Variants in OR7C1 observed in about 807,000 individuals in gnomAD.
OR7C1 encodes the protein olfactory receptor family 7 subfamily C member 1, also known as olfactory receptor 7C1.
For synonymous variants in OR7C1, 152 were observed against 160.7 expected (o/e 0.95, Z 0.41); for missense variants, 324 against 383.3 (o/e 0.85, Z 1.29).
chr19:14,819,232 C>T (rs1223170403), intron 1 of OR7C1, among the ~76,000 whole-genome samples: 1 of 151,904 alleles, frequency 6.6e-6, no homozygotes, highest in Non-Finnish European at 1.5e-5. Flanking sequence ...TAAACATGTG[C>T]CATGGTGGTT....
intron 1 of OR7C1, chr19:14,824,358 CA>C (rs1272525112): frequency 9.9e-5 from 15 of 152,172 alleles, no homozygotes; most frequent in African/African-American, 3.6e-4. Context: ...GGTAGTTTTT[CA>C]GCCCTTTTCC....
chr19:14,813,149 C>G (rs1313879316), intron 1 of OR7C1, among the ~76,000 whole-genome samples: 1 of 151,436 alleles, frequency 6.6e-6, no homozygotes, highest in African/African-American at 2.4e-5. Context: ...AACCAATATA[C>G]CATATGAACA....
chr19:14,805,695 G>A (rs990912502), intron 2 of OR7C1, among the ~76,000 whole-genome samples: 3 of 151,806 alleles, frequency 2.0e-5, no homozygotes, highest in Admixed American at 1.3e-4. Flanking sequence ...GATTATAGGC[G>A]TGAGCCACCA....
chr19:14,834,038 T>C (rs1763257879), intron 1 of OR7C1, among the ~76,000 whole-genome samples: 1 of 125,286 alleles, frequency 8.0e-6, no homozygotes, highest in African/African-American at 2.9e-5. Flanking sequence ...GGCAAGTAAA[T>C]TGCTTGAGCC....
At chr19:14,815,816 T>TGTGC in intron 1 of OR7C1, among the ~76,000 whole-genome samples, 1 of 145,854 alleles carries the variant, frequency 6.9e-6, no homozygotes, top group South Asian at 2.2e-4. Context: ...TGTGTGTGTG[T>TGTGC]CTGTGTCTGG....
At chr19:14,814,465 C>T (rs1189158924) in intron 1 of OR7C1, among the ~76,000 whole-genome samples, 1 of 151,894 alleles carries the variant, frequency 6.6e-6, no homozygotes, top group African/African-American at 2.4e-5. Flanking sequence ...TTCTTGTTGC[C>T]CAGGCTGGAG....
chr19:14,818,374 G>T (rs1168229437), intron 1 of OR7C1, among the ~76,000 whole-genome samples: 2 of 152,062 alleles, frequency 1.3e-5, no homozygotes, highest in South Asian at 4.1e-4. Flanking sequence ...GATTACAGGC[G>T]TGAGCCACCG....
intron 1 of OR7C1, 71 bp downstream of exon 1, chr19:14,835,003 T>G (rs1414520837): frequency 6.6e-6 from 1 of 152,224 alleles, no homozygotes; most frequent in African/African-American, 2.4e-5. Flanking sequence ...TCAGGTGATC[T>G]CAGGTAAATA....
intron 1 of OR7C1, among the ~76,000 whole-genome samples, chr19:14,811,557 G>A (rs190782435): frequency 1.3e-5 from 2 of 151,940 alleles, no homozygotes; most frequent in Admixed American, 1.3e-4. Context: ...ACTGGCACTA[G>A]GGGTGAGGAT....
At chr19:14,813,608 T>C (rs2044701930) in intron 1 of OR7C1, among the ~76,000 whole-genome samples, 1 of 152,116 alleles carries the variant, frequency 6.6e-6, no homozygotes, top group African/African-American at 2.4e-5. Context: ...AAGGTTTAAT[T>C]GCCTCACAGG....
At chr19:14,807,827 C>T (rs551266815) in intron 2 of OR7C1, among the ~76,000 whole-genome samples, 3 of 151,320 alleles carry the variant, frequency 2.0e-5, no homozygotes, top group East Asian at 1.9e-4. Flanking sequence ...ACCCAGGAGG[C>T]GGAGCTTGCA....
In OR7C1 at chr19:14,801,082, G is replaced by A. The variant is rs567752607; in HGVS notation, c.-434-318C>T. Among the ~76,000 whole-genome samples, 16 of 152,282 alleles carry A rather than the reference G, an allele frequency of 1.1e-4. 1 individual carries two copies. In the South Asian group the frequency reaches 3.3e-3, roughly 32 times the overall value. ...AATGAACCCCAGGGTATATACTCCAGACAATGTAGCAGCTTCATTAATATT... is the reference window on the plus strand; with the variant it reads ...AATGAACCCCAGGGTATATACTCCAAACAATGTAGCAGCTTCATTAATATT... On this transcript the variant is annotated intron_variant, in intron 2 of 4. Transcript: ENST00000641666.
intron 1 of OR7C1, among the ~76,000 whole-genome samples, chr19:14,820,127 T>C (rs185549659): frequency 2.0e-4 from 30 of 152,190 alleles, no homozygotes; most frequent in Admixed American, 1.2e-3. Context: ...GTCAGGCTGG[T>C]CTCAAACTCC....
At chr19:14,802,181 C>G (rs1390704957) in intron 2 of OR7C1, among the ~76,000 whole-genome samples, 1 of 152,228 alleles carries the variant, frequency 6.6e-6, no homozygotes, top group African/African-American at 2.4e-5. Flanking sequence ...CCCACCAGTT[C>G]CTGGTGCTGA....
intron 1 of OR7C1, among the ~76,000 whole-genome samples, chr19:14,828,955 C>A (rs1254243697): frequency 7.1e-6 from 1 of 140,730 alleles, no homozygotes; most frequent in African/African-American, 2.6e-5. Flanking sequence ...ACAAATTAAA[C>A]AATCACATAA....
At chr19:14,828,079 G>A (rs2044791563) in intron 1 of OR7C1, 6 of 1,614,074 alleles carry the variant, frequency 3.7e-6, no homozygotes, top group Admixed American at 1.7e-5. Context: ...GGGGTGTGGA[G>A]GTGGGAGTCT....
At chr19:14,808,113 A>C (rs1028491940) in intron 2 of OR7C1, among the ~76,000 whole-genome samples, 4 of 149,048 alleles carry the variant, frequency 2.7e-5, no homozygotes, top group Non-Finnish European at 3.0e-5. Context: ...AAAAAAAAAA[A>C]CAACAACAGA....
intron 1 of OR7C1, among the ~76,000 whole-genome samples, chr19:14,816,748 A>G (rs2044718160): frequency 6.6e-6 from 1 of 152,158 alleles, no homozygotes; most frequent in African/African-American, 2.4e-5. Flanking sequence ...ATATATATCT[A>G]TCCTATTAGT....
chr19:14,831,753 T>TA (rs140459329), intron 1 of OR7C1, among the ~76,000 whole-genome samples: 29,245 of 151,916 alleles, frequency 0.19, 3,474 homozygotes, highest in African/African-American at 0.33. Flanking sequence ...TATTTTATTT[T>TA]TTTTTTGCTA....
Sources: gnomAD v4.1 joint callset for allele counts (sites outside exome capture counted in the v4.1 genomes callset) on GRCh38, gnomAD v4.1.1 for gene constraint, MANE v1.5 for transcripts, NCBI Gene and HGNC (gene_info 2026-07-23, HGNC 2026-07-21) for gene names.